Variants in EHBP1 observed in about 807,000 individuals in gnomAD.
EHBP1 encodes EH domain-binding protein 1.
In EHBP1, 55 loss-of-function variants were observed where a neutral mutation model predicts 144.0. The ratio of observed to expected loss-of-function variants is 0.38; its 90% CI spans 0.31 to 0.48. The LOEUF (loss-of-function observed/expected upper bound fraction) is 0.48, where lower values mean the gene tolerates loss of function less well. Ranked by LOEUF, EHBP1 falls within the 20% of genes least tolerant of loss-of-function variation. The pLI, the probability that EHBP1 is intolerant of heterozygous loss-of-function variation, is 0.98. For synonymous variants in EHBP1, 469 were observed against 472.7 expected, an observed-to-expected ratio of 0.99 and a Z score of 0.10; for missense variants, 1,200 against 1,364.2, an observed-to-expected ratio of 0.88 and a Z score of 1.90.
intron 21 of EHBP1, among the ~76,000 whole-genome samples, chr2:63,040,016 TGAAA>T (rs1305443655): frequency 6.6e-6 from 1 of 151,962 alleles, no homozygotes; most frequent in African/African-American, 2.4e-5. Context: ...AACGTGCCAT[TGAAA>T]TAAAGTGCAC....
chr2:62,843,437 G>T (rs887194580), intron 7 of EHBP1, among the ~76,000 whole-genome samples: 2 of 151,986 alleles, frequency 1.3e-5, no homozygotes. Context: ...AATGTAAATT[G>T]TGTGTGTTGA....
intron 7 of EHBP1, among the ~76,000 whole-genome samples, chr2:62,854,595 G>A (rs1040543171): frequency 2.6e-5 from 4 of 152,198 alleles, no homozygotes; most frequent in Admixed American, 2.0e-4. Context: ...GGGAACAACC[G>A]GGTGGAGCAG....
intron 5 of EHBP1, among the ~76,000 whole-genome samples, chr2:62,794,959 C>G (rs1340234554): frequency 6.6e-6 from 1 of 151,876 alleles, no homozygotes; most frequent in Non-Finnish European, 1.5e-5. Flanking sequence ...ATTTCCTTAA[C>G]ACTAACACAA....
chr2:62,754,019 T>A (rs2040016875), intron 3 of EHBP1, among the ~76,000 whole-genome samples: 2 of 152,226 alleles, frequency 1.3e-5, no homozygotes, highest in African/African-American at 2.4e-5. Flanking sequence ...CGTCCAGGTT[T>A]GTTTCGTTGC....
At chr2:62,923,537 G>A (rs2055254036) in intron 10 of EHBP1, among the ~76,000 whole-genome samples, 1 of 152,148 alleles carries the variant, frequency 6.6e-6, no homozygotes, top group Non-Finnish European at 1.5e-5. Context: ...GCTGGCCCTG[G>A]CAGAAACACT....
At chr2:62,994,012 G>C (rs191323050) in intron 18 of EHBP1, 35 bp downstream of exon 18, 1 of 1,417,680 alleles carries the variant, frequency 7.1e-7, no homozygotes, top group Admixed American at 2.2e-5. Flanking sequence ...CATGATTGCT[G>C]ATAATTCCAA....
At chr2:62,786,959 A>G (rs2042847973) in intron 5 of EHBP1, among the ~76,000 whole-genome samples, 1 of 152,232 alleles carries the variant, frequency 6.6e-6, no homozygotes, top group Non-Finnish European at 1.5e-5. Context: ...AACTGAAAAT[A>G]CGTTCTCACT....
chr2:62,750,418 G>T (rs2039575177), intron 3 of EHBP1, among the ~76,000 whole-genome samples: 1 of 152,158 alleles, frequency 6.6e-6, no homozygotes, highest in African/African-American at 2.4e-5. Context: ...CAGGTAGCAT[G>T]ATGCCTCCAG....
intron 19 of EHBP1, among the ~76,000 whole-genome samples, chr2:63,022,354 G>T (rs779317303): frequency 6.6e-6 from 1 of 151,186 alleles, no homozygotes; most frequent in Admixed American, 6.6e-5. Context: ...TCACTCTGTC[G>T]CACAGGCTGG....
intron 14 of EHBP1, among the ~76,000 whole-genome samples, chr2:62,971,963 G>A (rs1559003967): frequency 6.6e-6 from 1 of 152,060 alleles, no homozygotes; most frequent in Admixed American, 6.5e-5. Flanking sequence ...CTCAGAAACA[G>A]GAAGTCTAAC....
At chr2:62,998,269 T>A (rs1367747518) in intron 19 of EHBP1, among the ~76,000 whole-genome samples, 1 of 152,170 alleles carries the variant, frequency 6.6e-6, no homozygotes, top group Non-Finnish European at 1.5e-5. Flanking sequence ...ACCTATATAC[T>A]TGTGTGGATT....
chr2:62,911,162 A>C (rs1171488941), intron 10 of EHBP1, among the ~76,000 whole-genome samples: 1 of 152,130 alleles, frequency 6.6e-6, no homozygotes, highest in Admixed American at 6.6e-5. Context: ...GAATCACACT[A>C]CCAAGCCCAC....
At chr2:62,773,769 T>C (rs944948743) in intron 5 of EHBP1, among the ~76,000 whole-genome samples, 4 of 139,920 alleles carry the variant, frequency 2.9e-5, no homozygotes, top group Non-Finnish European at 6.0e-5. Flanking sequence ...GAGAATTGCT[T>C]GAACCAGGGA....
Position 63,046,418 on chromosome 2 carries a change from T to TATG in EHBP1, c.*919_*921dup, listed in dbSNP as rs1452455474. 5 of 152,682 alleles carry TATG rather than the reference T, an allele frequency of 3.3e-5. No individual in the cohort carries two copies. Among genetic ancestry groups the TATG allele is most frequent in the Admixed American group, 2.6e-4 (4 of 15,288 alleles). The allele number at this position is 152,682 out of a possible 1,614,324, so 9.5% of individuals were successfully genotyped here. ...CACTGTCATTTTTTGTGAAAATGGTTATGTTTATTTATTACAATACTGAGT... is the reference window on the plus strand; with the variant it reads ...CACTGTCATTTTTTGTGAAAATGGTTATGATGTTTATTTATTACAATACTGAGT... On this transcript the variant is annotated 3_prime_UTR_variant, in exon 23 of 23. Coordinates refer to ENST00000431489, the MANE Select transcript of EHBP1 (RefSeq NM_001142616.3).
Position 62,863,837 on chromosome 2 carries a change from G to GTTTTTTTTTT in EHBP1, c.758-892_758-891insTTTTTTTTTT, listed in dbSNP as rs1354945636. Among the ~76,000 whole-genome samples the GTTTTTTTTTT allele has an allele frequency of 4.0e-5, 3 of 74,570 alleles. 1 individual carries two copies. The highest frequency in any genetic ancestry group is 7.6e-5 in the Non-Finnish European group (3 of 39,448). The allele number at this position is 74,570 out of a possible 152,430, so 48.9% of individuals were successfully genotyped here. ...ATTTTTTTAAATTTTATTTTTCTGT[G>GTTTTTTTTTT]TTGTTTTTTTTTTTTTTTTTTTTTT... On this transcript the variant is annotated intron_variant, in intron 8 of 22. Coordinates refer to ENST00000431489, the MANE Select transcript of EHBP1 (RefSeq NM_001142616.3).
At chr2:62,817,249 G>A (rs1211250167) in intron 5 of EHBP1, among the ~76,000 whole-genome samples, 2 of 152,190 alleles carry the variant, frequency 1.3e-5, no homozygotes. Context: ...TGTATTGGGA[G>A]TGTGGTTGAA....
intron 5 of EHBP1, among the ~76,000 whole-genome samples, chr2:62,784,521 C>T (rs1433633770): frequency 4.6e-5 from 7 of 152,142 alleles, no homozygotes; most frequent in Non-Finnish European, 7.4e-5. Flanking sequence ...AGGCAGGTGG[C>T]AGGCCCCTTG....
At chr2:62,683,995 A>G (rs772221817) in intron 1 of EHBP1, among the ~76,000 whole-genome samples, 4 of 152,210 alleles carry the variant, frequency 2.6e-5, no homozygotes, top group Non-Finnish European at 1.5e-5. Context: ...TGTCAGGCAC[A>G]CTTGGCAAAA....
chr2:62,834,911 A>G (rs941275647), intron 7 of EHBP1, among the ~76,000 whole-genome samples: 2 of 152,220 alleles, frequency 1.3e-5, no homozygotes, highest in South Asian at 4.1e-4. Context: ...CCTGGAAGCA[A>G]TCTTCCATCT....
Sources: allele counts gnomAD v4.1 joint callset (sites outside exome capture counted in the v4.1 genomes callset), GRCh38; gene constraint gnomAD v4.1.1; transcripts MANE v1.5; gene names NCBI Gene and HGNC (gene_info 2026-07-23, HGNC 2026-07-21).